Variants in LAMA5 observed in about 807,000 individuals in gnomAD.
LAMA5 encodes laminin subunit alpha-5.
A neutral mutation model predicts 433.4 loss-of-function variants in LAMA5; 260 were observed. The observed-to-expected ratio is 0.60, with a 90% confidence interval of 0.54 to 0.66. The LOEUF is 0.66. LAMA5 is among the 30% of genes least tolerant of loss of function. The probability of loss-of-function intolerance (pLI) is 0.00; values close to 1 mark genes in which losing one functional copy is unlikely to be tolerated. For synonymous variants in LAMA5, 2,620 were observed against 2,226.6 expected, an observed-to-expected ratio of 1.18 and a Z score of -4.97; for missense variants, 5,378 against 5,258.5, an observed-to-expected ratio of 1.02 and a Z score of -0.70.
chr20:62,310,951 C>G lies in LAMA5; in HGVS notation c.10232G>C (p.Arg3411Pro), dbSNP rs375971941. 2 of 1,611,254 alleles carry G rather than the reference C, an allele frequency of 1.2e-6. No homozygotes were observed. Among genetic ancestry groups the G allele is most frequent in the African/African-American group, 1.3e-5 (1 of 74,906 alleles). Residue 3411 changes from arginine to proline, a missense_variant, in exon 74 of 80, where the codon CGG (arginine) becomes CCG (proline). Physicochemically the swap from Arg to Pro is moderately radical, Grantham distance 103. Transcript: ENST00000252999. ...GCGCTGGCGGCTCTGGGCGCGGAGC[C>G]GAGTCCCGAGGCCTTCCATCTGTGC... is the stretch of plus-strand genomic sequence containing the variant. ...FVAQMEGLGT[R>P]LRAQSRQRSR...
rs540608423 is a variant in LAMA5, at chr20:62,339,171, A to G, written c.1478-563T>C. On this transcript the variant is annotated intron_variant, in intron 11 of 79. Transcript: ENST00000252999. ...TTCCTAGTTAGCTGCAAGCATTAAC[A>G]CAAAGAGAAAATACAAACAAATCAA... 3.3e-5 allele frequency among the ~76,000 whole-genome samples: 5 copies of G among 152,228 alleles called. No individual in the cohort carries two copies. The East Asian group carries it at 9.6e-4, about 29-fold the overall frequency.
At position 62,324,037 on chromosome 20, in the gene LAMA5, C is replaced by A. The variant is rs374706866; in HGVS notation, c.5768+43G>T. ...CCACCCCGCTGCTGGGTGAAGGGAG[C>A]CTGGCACCATCAGGGCCTCGTCCCG... On this transcript the variant is annotated intron_variant, in intron 43 of 79. Coordinates refer to ENST00000252999, the MANE Select transcript of LAMA5 (RefSeq NM_005560.6). This position sits in a 1 kb window ranked among gnomAD's most constrained non-coding sequence, Gnocchi z 4.4. 7.5e-6 allele frequency: 11 copies of A among 1,475,864 alleles called. No individual in the cohort carries two copies. In the African/African-American group the frequency reaches 1.4e-4, roughly 19 times the overall value. The allele number at this position is 1,475,864 out of a possible 1,614,324, so 91.4% of individuals were successfully genotyped here.
intron 41 of LAMA5, 113 bp downstream of exon 41, chr20:62,325,203 T>A: frequency 4.5e-6 from 3 of 660,904 alleles, no homozygotes; most frequent in Admixed American, 3.4e-5. Context: ...GGAAGAGAGG[T>A]GAGTAGGGTG....
intron 40 of LAMA5, among the ~76,000 whole-genome samples, chr20:62,326,094 C>A (rs895434755): frequency 6.6e-6 from 1 of 152,078 alleles, no homozygotes; most frequent in Non-Finnish European, 1.5e-5. Flanking sequence ...GTGGCGGGTG[C>A]CTATAGTCCC....
In LAMA5 at chr20:62,329,853, C is replaced by T. The variant is rs747828182; in HGVS notation, c.4043G>A (p.Gly1348Asp). 2 of 1,612,416 alleles carry T rather than the reference C, an allele frequency of 1.2e-6. No individual in the cohort carries two copies. Among genetic ancestry groups the T allele is most frequent in the Admixed American group, 1.7e-5 (1 of 59,972 alleles). ...YGCRTLVVCEGQALLDVTHSE... is the reference protein window; with the variant it reads ...YGCRTLVVCEDQALLDVTHSE... The stretch of plus-strand genomic sequence containing the variant: ...GTGGGTCACGTCCAGCAGGGCCTGG[C>T]CCTCACACACCACCAGGGTGCGGCA... Residue 1348 changes from glycine to aspartate, a missense_variant, in exon 32 of 80, where the codon GGC becomes GAC. Transcript: ENST00000252999.
intron 18 of LAMA5, 79 bp from the exon 19 acceptor site, chr20:62,335,348 C>T: frequency 7.0e-7 from 1 of 1,424,716 alleles, no homozygotes. Context: ...ACCCCCACAC[C>T]CTAACACCCC....
chr20:62,360,120 TCCCTGCC>T (rs888801011), intron 2 of LAMA5, among the ~76,000 whole-genome samples: 2 of 147,112 alleles, frequency 1.4e-5, no homozygotes, highest in Admixed American at 1.3e-4. Context: ...CTCCAGGGAG[TCCCTGCC>T]CCCACCCTGA....
chr20:62,325,637 G>C lies in LAMA5; in HGVS notation c.5299-91C>G, dbSNP rs1601330200. On this transcript the variant is annotated intron_variant, in intron 40 of 79. Coordinates refer to ENST00000252999, the MANE Select transcript of LAMA5 (RefSeq NM_005560.6). ...AGACCCCCCAACCCTGTAGGGGATG[G>C]AGGGGCACAAAGACCATGGGGCAGG... is the stretch of plus-strand genomic sequence containing the variant. 10 of 828,636 alleles carry C rather than the reference G, an allele frequency of 1.2e-5. No individual in the cohort carries two copies. In the East Asian group the frequency reaches 2.4e-4, roughly 20 times the overall value. 51.3% of individuals were successfully genotyped at this position (828,636 alleles called of 1,614,324 possible). A position where few individuals can be genotyped will look rare whatever the true frequency, so the allele number is the denominator to read the frequency against.
rs770808382 is a variant in LAMA5, at chr20:62,335,262, G to A, written c.2331C>T (p.Ser777=). The A allele has an allele frequency of 6.2e-7, 1 of 1,612,346 alleles. No individual in the cohort carries two copies. ...PSNPEGCTRC[S]CDLRGTLGGV... is the part of the protein sequence containing the mutation. ...CACCCAGTGTGCCCCTGAGGTCGCAGCTGCAGCCTGGGGAGAGCAGGGCAG... is the reference window on the plus strand; with the variant it reads ...CACCCAGTGTGCCCCTGAGGTCGCAACTGCAGCCTGGGGAGAGCAGGGCAG... The change falls in exon 19 of 80, where the codon AGC becomes AGT. Residue 777 remains serine, a synonymous_variant. Coordinates refer to ENST00000252999, the MANE Select transcript of LAMA5 (RefSeq NM_005560.6).
At position 62,327,965 on chromosome 20, in the gene LAMA5, C is replaced by T. The variant is rs376855679; in HGVS notation, c.4698G>A (p.Pro1566=). The T allele has an allele frequency of 3.7e-6, 6 of 1,612,436 alleles. No homozygotes were observed. The highest frequency in any genetic ancestry group is 2.2e-5 in the East Asian group (1 of 44,858). ...GGCAGCGGGGGTAGCCATGGAAGCC[C>T]GGAGAGCAGGTATCACAGCGGCGCC... ...VTGRRCDTCS[P]GFHGYPRCRP... is the part of the protein sequence containing the mutation. The change falls in exon 36 of 80, where the codon CCG becomes CCA. Residue 1566 remains proline, a synonymous_variant. Transcript: ENST00000252999.
At position 62,309,097 on chromosome 20, in the gene LAMA5, G is replaced by A; in HGVS notation, c.*239C>T. The A allele has an allele frequency of 1.7e-6, 1 of 599,616 alleles. No individual in the cohort carries two copies. The highest frequency in any genetic ancestry group is 2.8e-6 in the Non-Finnish European group (1 of 356,312). The allele number at this position is 599,616 out of a possible 1,614,324, so 37.1% of individuals were successfully genotyped here. A position where few individuals can be genotyped will look rare whatever the true frequency, so the allele number is the denominator to read the frequency against. ...GAAGTTACTTTTTAATTTTTAAGGA[G>A]GAACCAGTGATGATTGGTGACAAAT... On this transcript the variant is annotated 3_prime_UTR_variant, in exon 80 of 80. Coordinates refer to ENST00000252999, the MANE Select transcript of LAMA5 (RefSeq NM_005560.6).
rs755282860 is a variant in LAMA5, at chr20:62,333,086, G to A, written c.3282+4C>T. 2.5e-5 allele frequency: 37 copies of A among 1,497,324 alleles called. No homozygotes were observed. Among genetic ancestry groups the A allele is most frequent in the Admixed American group, 7.3e-5 (3 of 41,082 alleles). 92.8% of individuals were successfully genotyped at this position (1,497,324 alleles called of 1,614,324 possible). On this transcript the variant is annotated splice_donor_region_variant and intron_variant, in intron 26 of 79. Transcript: ENST00000252999. ...ATTGCTCCGTGGGGTCCCAGGACAC[G>A]CACATCACTGCCCGTGCAGGTGATC...
At chr20:62,318,387 G>C (rs1987282247) in intron 53 of LAMA5, 67 bp downstream of exon 53, 25 of 1,252,672 alleles carry the variant, frequency 2.0e-5, no homozygotes, top group Non-Finnish European at 2.8e-5. Flanking sequence ...AGGAGCCGGA[G>C]AGGAGAGGGA....
At chr20:62,313,915 G>A (rs560810103) in intron 62 of LAMA5, 113 bp from the exon 63 acceptor site, 2 of 988,970 alleles carry the variant, frequency 2.0e-6, no homozygotes, top group East Asian at 5.4e-5. Flanking sequence ...GGTGGCGAGT[G>A]GGCACGGAGA....
Position 62,367,123 on chromosome 20 carries a change from G to T in LAMA5, c.123C>A (p.Gly41=). 2 of 1,274,718 alleles carry T rather than the reference G, an allele frequency of 1.6e-6. No individual in the cohort carries two copies. Among genetic ancestry groups the T allele is most frequent in the Non-Finnish European group, 2.0e-6 (2 of 1,013,952 alleles). The allele number at this position is 1,274,718 out of a possible 1,614,324, so 79.0% of individuals were successfully genotyped here. A position where few individuals can be genotyped will look rare whatever the true frequency, so the allele number is the denominator to read the frequency against. Residue 41 remains glycine (G), a synonymous_variant, in exon 1 of 80, where the codon GGC becomes GGA. Transcript: ENST00000252999. ...GAARAREEAG[G]GFSLHPPYFN... is the part of the protein sequence containing the mutation. ...AGTAGGGCGGGTGCAGGCTGAAGCC[G>T]CCGCCCGCCTCCTCCCGCGCCCGCG...
In LAMA5 at chr20:62,322,702, G is replaced by C; in HGVS notation, c.6121C>G (p.Leu2041Val). Reference protein sequence around the residue: ...EACDPHSGHCLCKAGVTGRRC... With the variant: ...EACDPHSGHCVCKAGVTGRRC... Reference sequence around the variant, plus strand: ...CGCCCAGTCACGCCCGCCTTGCACAGGCAGTGCCCGCTGTGGGGGTCGCAG... The same window carrying C: ...CGCCCAGTCACGCCCGCCTTGCACACGCAGTGCCCGCTGTGGGGGTCGCAG... Residue 2041 changes from leucine to valine, a missense_variant, in exon 46 of 80, where the codon CTG (leucine) becomes GTG (valine). Transcript: ENST00000252999. 5 of 1,540,386 alleles carry C rather than the reference G, an allele frequency of 3.2e-6. No homozygotes were observed. The highest frequency in any genetic ancestry group is 4.4e-6 in the Non-Finnish European group (5 of 1,144,036).
chr20:62,325,211 G>A (rs1277958578), intron 41 of LAMA5, 105 bp downstream of exon 41: 2 of 731,916 alleles, frequency 2.7e-6, no homozygotes, highest in Admixed American at 3.2e-5. Context: ...GGTGAGTAGG[G>A]TGACAGGAAG....
intron 6 of LAMA5, among the ~76,000 whole-genome samples, chr20:62,347,415 A>G (rs1027936851): frequency 6.6e-6 from 1 of 152,098 alleles, no homozygotes; most frequent in Non-Finnish European, 1.5e-5. Flanking sequence ...GCGTTCTCCA[A>G]AACTGAGTTA....
Position 62,314,824 on chromosome 20 carries a change from G to A in LAMA5, c.8171C>T (p.Ala2724Val). 6.2e-7 allele frequency: 1 copy of A among 1,612,860 alleles called. No individual in the cohort carries two copies. The highest frequency in any genetic ancestry group is 8.5e-7 in the Non-Finnish European group (1 of 1,179,938). The change falls in exon 60 of 80, where the codon GCC (alanine) becomes GTC (valine). Residue 2724 changes from alanine (A) to valine (V), a missense_variant. Coordinates refer to ENST00000252999, the MANE Select transcript of LAMA5 (RefSeq NM_005560.6). Reference sequence around the variant, plus strand: ...CTTACTGGCAGCCCCCCGGGCCTGGGCAATGAGCTCTCGCACGCGGCCAAT... The same window carrying A: ...CTTACTGGCAGCCCCCCGGGCCTGGACAATGAGCTCTCGCACGCGGCCAAT... ...ASIGRVRELI[A>V]QARGAASKVK...
Sources: allele counts gnomAD v4.1 joint callset (sites outside exome capture counted in the v4.1 genomes callset), GRCh38; gene constraint gnomAD v4.1.1; non-coding constraint Gnocchi (gnomAD v3.1); transcripts MANE v1.5; gene names NCBI Gene and HGNC (gene_info 2026-07-23, HGNC 2026-07-21).